Variants in CTIF observed in about 807,000 individuals in gnomAD.
The protein encoded by CTIF is CBP80/20-dependent translation initiation factor.
A neutral mutation model predicts 66.0 loss-of-function variants in CTIF; 21 were observed. The observed-to-expected ratio is 0.32, with a 90% CI of 0.23 to 0.46. The LOEUF (loss-of-function observed/expected upper bound fraction) is 0.46, where lower values mean the gene tolerates loss of function less well. CTIF is among the 20% of genes least tolerant of loss of function. CTIF has a pLI of 1.00. For missense variants in CTIF, 739 were observed against 812.7 expected (o/e 0.91, Z 1.10); for synonymous variants, 345 against 326.4 (o/e 1.06, Z -0.62).
chr18:48,699,700 T>G (rs536778546), intron 6 of CTIF, among the ~76,000 whole-genome samples: 25 of 152,336 alleles, frequency 1.6e-4, no homozygotes, highest in Non-Finnish European at 3.4e-4. Context: ...ATTCTTGAGC[T>G]GGGCTGTCGA....
In CTIF at chr18:48,758,214, C is replaced by T. The variant is rs145237824; in HGVS notation, c.880C>T (p.Leu294Phe). The T allele has an allele frequency of 9.3e-6, 15 of 1,613,426 alleles. No individual in the cohort carries two copies. Among genetic ancestry groups the T allele is most frequent in the Non-Finnish European group, 1.3e-5 (15 of 1,179,838 alleles). Residue 294 changes from leucine to phenylalanine, a missense_variant, in exon 8 of 12, where the codon CTT (leucine) becomes TTT (phenylalanine). Leu to Phe is a conservative substitution (Grantham distance 22). Around this residue, in one of 2 missense-constraint regions of CTIF, gnomAD observed 529 missense variants for 520.3 expected, o/e 1.02. Coordinates refer to ENST00000256413, the MANE Select transcript of CTIF (RefSeq NM_014772.3). ...DTAGDTGHSS[L>F]EAPRSPDTLA... ...TGCAGGGGACACCGGGCACAGCAGC[C>T]TTGAGGCCCCCCGCAGCCCTGACAC...
At chr18:48,716,143 G>T (rs2092279948) in intron 7 of CTIF, among the ~76,000 whole-genome samples, 1 of 152,242 alleles carries the variant, frequency 6.6e-6, no homozygotes, top group Admixed American at 6.5e-5. Flanking sequence ...GCACTGTTCA[G>T]TTCTCCTACT....
At chr18:48,821,315 G>C (rs569396360) in intron 10 of CTIF, among the ~76,000 whole-genome samples, 8 of 152,222 alleles carry the variant, frequency 5.3e-5, no homozygotes, top group Non-Finnish European at 8.8e-5. Context: ...CATCTCAATC[G>C]AGTGCCTCGT....
chr18:48,750,124 G>A (rs922787194), intron 7 of CTIF, among the ~76,000 whole-genome samples: 2 of 152,220 alleles, frequency 1.3e-5, no homozygotes, highest in African/African-American at 4.8e-5. Context: ...GCTTTCCTGG[G>A]CTTCATTTCA....
At chr18:48,673,829 G>A (rs1335537542) in intron 6 of CTIF, among the ~76,000 whole-genome samples, 2 of 152,230 alleles carry the variant, frequency 1.3e-5, no homozygotes, top group Non-Finnish European at 2.9e-5. Flanking sequence ...TAGCTCATCA[G>A]CTATCATTAG....
chr18:48,735,134 C>CATA (rs1189361349), intron 7 of CTIF, among the ~76,000 whole-genome samples: 16 of 152,098 alleles, frequency 1.1e-4, no homozygotes, highest in African/African-American at 3.9e-4. Context: ...CAGTGCAGCC[C>CATA]ATAAGGCCCT....
intron 1 of CTIF, among the ~76,000 whole-genome samples, chr18:48,580,395 G>T (rs1877413): frequency 0.02 from 3,088 of 152,238 alleles, 104 homozygotes; most frequent in African/African-American, 0.07. Context: ...TAGATACTGC[G>T]CATTAGAATT....
chr18:48,774,040 C>G (rs1349886335), intron 9 of CTIF, among the ~76,000 whole-genome samples: 1 of 152,146 alleles, frequency 6.6e-6, no homozygotes, highest in African/African-American at 2.4e-5. Context: ...AGAGGTCTCC[C>G]CAGCTCCCCT....
At chr18:48,728,165 C>G (rs947897086) in intron 7 of CTIF, among the ~76,000 whole-genome samples, 57 of 152,178 alleles carry the variant, frequency 3.7e-4, no homozygotes, top group Non-Finnish European at 2.9e-5. Flanking sequence ...CCTCCTTCCT[C>G]TAATTCCCAA....
rs147316137 is a variant in CTIF at position 48,744,148 on chromosome 18, A to G, written c.585-13771A>G. The stretch of plus-strand genomic sequence containing the variant: ...CCTTCAGACTGTGCCCAGACACTCA[A>G]GTTCCATTAGGGATTCTATTGGTTC... On this transcript the variant is annotated intron_variant, in intron 7 of 11. Coordinates refer to ENST00000256413, the MANE Select transcript of CTIF (RefSeq NM_014772.3). Among the ~76,000 whole-genome samples the G allele has an allele frequency of 2.6e-5, 4 of 152,322 alleles. No homozygotes were observed. In the East Asian group the frequency reaches 7.7e-4, roughly 29 times the overall value.
intron 7 of CTIF, among the ~76,000 whole-genome samples, chr18:48,732,000 A>T (rs2092460626): frequency 6.6e-6 from 1 of 152,246 alleles, no homozygotes; most frequent in Non-Finnish European, 1.5e-5. Flanking sequence ...TAGCGGCTCC[A>T]TTCGGCCCAC....
At chr18:48,775,656 G>A (rs573323345) in intron 9 of CTIF, among the ~76,000 whole-genome samples, 51 of 152,388 alleles carry the variant, frequency 3.3e-4, no homozygotes, top group African/African-American at 1.2e-3. Flanking sequence ...GGCCAGCTCA[G>A]CCAGAGGGCA....
At chr18:48,681,590 G>A (rs1228380894) in intron 6 of CTIF, among the ~76,000 whole-genome samples, 1 of 152,160 alleles carries the variant, frequency 6.6e-6, no homozygotes, top group Non-Finnish European at 1.5e-5. Flanking sequence ...CAGGGCCTAT[G>A]GAAAACCCTG....
chr18:48,706,284 T>C (rs1260480961), intron 6 of CTIF, among the ~76,000 whole-genome samples: 1 of 152,188 alleles, frequency 6.6e-6, no homozygotes, highest in East Asian at 1.9e-4. Context: ...CAGTATTGTA[T>C]CCACAGTGCC....
chr18:48,551,957 C>G (rs1284155460), intron 1 of CTIF, among the ~76,000 whole-genome samples: 1 of 152,066 alleles, frequency 6.6e-6, no homozygotes, highest in Non-Finnish European at 1.5e-5. Context: ...GCCACCACGC[C>G]CAGCTAATTA....
At chr18:48,623,276 A>G (rs1568081512) in intron 2 of CTIF, among the ~76,000 whole-genome samples, 1 of 152,244 alleles carries the variant, frequency 6.6e-6, no homozygotes, top group African/African-American at 2.4e-5. Flanking sequence ...CGAAGAATGC[A>G]GACACCTGGC....
intron 8 of CTIF, chr18:48,760,222 C>T (rs887585313): frequency 6.9e-6 from 1 of 145,886 alleles, no homozygotes; most frequent in Non-Finnish European, 1.5e-5. Flanking sequence ...GAGTCTCGCT[C>T]TGTCACCCAG....
chr18:48,734,902 A>G (rs893034634), intron 7 of CTIF, among the ~76,000 whole-genome samples: 1 of 152,214 alleles, frequency 6.6e-6, no homozygotes. Flanking sequence ...TGAACAATTT[A>G]CACTTAATAT....
At chr18:48,742,686 A>G (rs1347235960) in intron 7 of CTIF, among the ~76,000 whole-genome samples, 1 of 152,248 alleles carries the variant, frequency 6.6e-6, no homozygotes, top group Non-Finnish European at 1.5e-5. Flanking sequence ...TATCATCATT[A>G]TTTCACAAAT....
Sources: allele counts gnomAD v4.1 joint callset (sites outside exome capture counted in the v4.1 genomes callset), GRCh38; gene constraint gnomAD v4.1.1; regional missense constraint gnomAD v4.1.1; transcripts MANE v1.5; gene names NCBI Gene and HGNC (gene_info 2026-07-23, HGNC 2026-07-21).